UBL3: variants seen among roughly 807,000 people sequenced by gnomAD.
The protein encoded by UBL3 is ubiquitin-like protein 3.
A neutral mutation model predicts 18.4 loss-of-function variants in UBL3; 6 were observed. That is an observed-to-expected ratio of 0.33 (90% confidence interval 0.18 to 0.64). UBL3 has a LOEUF of 0.64. Ranked by LOEUF, UBL3 falls within the 30% of genes least tolerant of loss-of-function variation. The probability of loss-of-function intolerance (pLI) is 0.76; values close to 1 mark genes in which losing one functional copy is unlikely to be tolerated. For missense variants in UBL3, 109 were observed against 142.9 expected (o/e 0.76, Z 1.21); for synonymous variants, 49 against 46.6 (o/e 1.05, Z -0.21).
At chr13:29,805,836 T>A (rs1300936975) in intron 1 of UBL3, among the ~76,000 whole-genome samples, 2 of 152,212 alleles carry the variant, frequency 1.3e-5, no homozygotes, top group African/African-American at 2.4e-5. Flanking sequence ...TCCAGAAAAC[T>A]ATGGCATTAC....
At chr13:29,829,307 C>T (rs1051960242) in intron 1 of UBL3, among the ~76,000 whole-genome samples, 5 of 152,206 alleles carry the variant, frequency 3.3e-5, no homozygotes, top group African/African-American at 1.2e-4. Flanking sequence ...CAGAGGCAGG[C>T]AGGCCTCCCT....
At chr13:29,841,564 T>C (rs1429244031) in intron 1 of UBL3, among the ~76,000 whole-genome samples, 1 of 152,210 alleles carries the variant, frequency 6.6e-6, no homozygotes, top group Non-Finnish European at 1.5e-5. Context: ...CAAAGATATA[T>C]GAAGTAGGTT....
intron 1 of UBL3, among the ~76,000 whole-genome samples, chr13:29,816,079 T>C (rs927664283): frequency 2.0e-5 from 3 of 152,116 alleles, no homozygotes; most frequent in Admixed American, 2.0e-4. Flanking sequence ...CTTTGTAGGA[T>C]TTTTTTCCCC....
intron 1 of UBL3, among the ~76,000 whole-genome samples, chr13:29,812,434 T>C (rs1460986282): frequency 1.3e-5 from 2 of 152,076 alleles, no homozygotes; most frequent in Admixed American, 6.6e-5. Context: ...TTTGTGGAAC[T>C]TTCCAAAATA....
chr13:29,819,178 T>C (rs988855483), intron 1 of UBL3, among the ~76,000 whole-genome samples: 4 of 152,192 alleles, frequency 2.6e-5, no homozygotes, highest in Non-Finnish European at 5.9e-5. Context: ...CTTCTGTATG[T>C]TTGAAATTTT....
intron 1 of UBL3, among the ~76,000 whole-genome samples, chr13:29,819,346 C>T (rs1385621310): frequency 6.6e-6 from 1 of 152,194 alleles, no homozygotes; most frequent in African/African-American, 2.4e-5. Flanking sequence ...GATTTTGTTG[C>T]ATTTACCCTT....
At chr13:29,830,632 T>C (rs2256122) in intron 1 of UBL3, among the ~76,000 whole-genome samples, 2 of 151,890 alleles carry the variant, frequency 1.3e-5, no homozygotes, top group Non-Finnish European at 2.9e-5. Context: ...GTAATAGAAA[T>C]ATTCACCTTT....
intron 3 of UBL3, 57 bp from the exon 4 acceptor site, chr13:29,767,752 A>C (rs1876728197): frequency 6.8e-7 from 1 of 1,476,194 alleles, no homozygotes; most frequent in Non-Finnish European, 9.3e-7. Context: ...TAAAATCACT[A>C]TCCAGATTTA....
chr13:29,829,778 G>C (rs1207816173), intron 1 of UBL3, among the ~76,000 whole-genome samples: 1 of 152,144 alleles, frequency 6.6e-6, no homozygotes, highest in South Asian at 2.1e-4. Flanking sequence ...CTTCTGCGTC[G>C]CTCAGGCTGG....
chr13:29,804,415 A>T (rs954861271), intron 1 of UBL3, among the ~76,000 whole-genome samples: 8 of 152,302 alleles, frequency 5.3e-5, no homozygotes, highest in Non-Finnish European at 7.4e-5. Context: ...ACCTAGAAGA[A>T]TTAGAGAAAT....
intron 1 of UBL3, among the ~76,000 whole-genome samples, chr13:29,797,984 G>A (rs1273669447): frequency 6.7e-6 from 1 of 148,502 alleles, no homozygotes; most frequent in African/African-American, 2.5e-5. Flanking sequence ...CCATTACCCA[G>A]TTTTTCACAA....
intron 1 of UBL3, among the ~76,000 whole-genome samples, chr13:29,807,715 T>C (rs1877930419): frequency 6.6e-6 from 1 of 152,070 alleles, no homozygotes. Context: ...CAATCAGCTA[T>C]GATTGCTGTT....
chr13:29,840,702 A>AT (rs1879075734), intron 1 of UBL3, among the ~76,000 whole-genome samples: 1 of 152,154 alleles, frequency 6.6e-6, no homozygotes, highest in Non-Finnish European at 1.5e-5. Flanking sequence ...ATTAACACAT[A>AT]TTTTTTGACA....
intron 1 of UBL3, among the ~76,000 whole-genome samples, chr13:29,820,169 CTTTTTT>C (rs36050662): frequency 4.8e-5 from 5 of 104,974 alleles, no homozygotes; most frequent in South Asian, 3.2e-4. Flanking sequence ...CTCAGAGTTC[CTTTTTT>C]TTTTTTTTTT....
At chr13:29,806,543 A>T (rs1384435413) in intron 1 of UBL3, among the ~76,000 whole-genome samples, 1 of 152,164 alleles carries the variant, frequency 6.6e-6, no homozygotes, top group Non-Finnish European at 1.5e-5. Context: ...TGTCATAAGT[A>T]AAGGGTAGGG....
intron 1 of UBL3, among the ~76,000 whole-genome samples, chr13:29,805,998 A>C (rs1432860333): frequency 6.6e-6 from 1 of 152,152 alleles, no homozygotes; most frequent in Admixed American, 6.5e-5. Context: ...CAACACAGTA[A>C]AACTCCATTT....
intron 3 of UBL3, among the ~76,000 whole-genome samples, chr13:29,770,651 C>A (rs1223041207): frequency 6.6e-6 from 1 of 151,788 alleles, no homozygotes; most frequent in Non-Finnish European, 1.5e-5. Flanking sequence ...TAAATTCAAC[C>A]AACATTTACC....
intron 1 of UBL3, among the ~76,000 whole-genome samples, chr13:29,822,135 G>A (rs1878470369): frequency 6.6e-6 from 1 of 152,180 alleles, no homozygotes; most frequent in African/African-American, 2.4e-5. Flanking sequence ...TTATGCAAAT[G>A]TGATTTCTGA....
Position 29,849,619 on chromosome 13 carries a change from T to C in UBL3, c.-81A>G. ...AGCAGAAGTCTTCACGTTACAGAAATAAACCACGATTTTGACTGGTTCGTG... is the reference window on the plus strand; with the variant it reads ...AGCAGAAGTCTTCACGTTACAGAAACAAACCACGATTTTGACTGGTTCGTG... On this transcript the variant is annotated 5_prime_UTR_variant, in exon 1 of 5. Transcript: ENST00000380680. The C allele has an allele frequency of 1.3e-6, 2 of 1,564,136 alleles. No homozygotes were observed. Among genetic ancestry groups the C allele is most frequent in the South Asian group, 2.2e-5 (2 of 89,894 alleles).
Sources: gnomAD v4.1 joint callset for allele counts (sites outside exome capture counted in the v4.1 genomes callset) on GRCh38, gnomAD v4.1.1 for gene constraint, MANE v1.5 for transcripts, NCBI Gene and HGNC (gene_info 2026-07-23, HGNC 2026-07-21) for gene names.